Variants in CES3 observed in about 807,000 individuals in gnomAD.
CES3 encodes carboxylesterase 3 (brain).
CES3 carries 49 observed loss-of-function variants against 57.6 expected under a neutral mutation model. The observed-to-expected ratio is 0.85, with a 90% CI of 0.68 to 1.08. The LOEUF is 1.08. Among genes scored for constraint, CES3 ranks in the 50% least tolerant of loss-of-function variants. The pLI, the probability that CES3 is intolerant of heterozygous loss-of-function variation, is 0.00. For synonymous variants in CES3, 266 were observed against 281.6 expected, an observed-to-expected ratio of 0.94 and a Z score of 0.55; for missense variants, 645 against 742.0, an observed-to-expected ratio of 0.87 and a Z score of 1.52.
rs539132773 is a variant in CES3 at position 66,969,269 on chromosome 16, G to A, written c.1063-410G>A. On this transcript the variant is annotated intron_variant, in intron 8 of 12. Transcript: ENST00000303334. Reference sequence around the variant, plus strand: ...AAAAATACAAAAATTAGCCAGGCACGGTGGTGCACGTCTGCGGTCCCAGCT... The same window carrying A: ...AAAAATACAAAAATTAGCCAGGCACAGTGGTGCACGTCTGCGGTCCCAGCT... Among the ~76,000 whole-genome samples the A allele has an allele frequency of 3.3e-5, 5 of 152,224 alleles. No homozygotes were observed. In the East Asian group the frequency reaches 5.8e-4, roughly 18 times the overall value.
chr16:66,961,427 G>T (rs763974451), intron 1 of CES3, 38 bp downstream of exon 1: 5 of 1,552,696 alleles, frequency 3.2e-6, no homozygotes, highest in Non-Finnish European at 4.4e-6. Flanking sequence ...GGTACTTGGT[G>T]TGGAGGAGTC....
chr16:66,971,363 C>T (rs759474823), intron 10 of CES3, 44 bp downstream of exon 10: 77 of 1,592,130 alleles, frequency 4.8e-5, no homozygotes, highest in Non-Finnish European at 6.2e-5. Flanking sequence ...CCCACTTGGG[C>T]CCAGGAGCTG....
intron 8 of CES3, 71 bp downstream of exon 8, chr16:66,966,936 C>G (rs78914265): frequency 6.4e-7 from 1 of 1,562,174 alleles, no homozygotes; most frequent in South Asian, 1.1e-5. Context: ...AGCATCAACA[C>G]TACAGCCTTG....
At chr16:66,968,295 G>A (rs1295460653) in intron 8 of CES3, among the ~76,000 whole-genome samples, 1 of 152,146 alleles carries the variant, frequency 6.6e-6, no homozygotes, top group Non-Finnish European at 1.5e-5. Context: ...CTCCTGAGTA[G>A]CTGGGATTAC....
intron 8 of CES3, 120 bp from the exon 9 acceptor site, chr16:66,969,559 G>A (rs1963794215): frequency 1.1e-6 from 1 of 885,234 alleles, no homozygotes; most frequent in African/African-American, 1.7e-5. Context: ...GCCCCATTTT[G>A]GCCAAGTGCT....
Position 66,964,452 on chromosome 16 carries a change from A to C in CES3, c.656A>C (p.Asp219Ala). 5 of 1,613,772 alleles carry C rather than the reference A, an allele frequency of 3.1e-6. No individual in the cohort carries two copies. The highest frequency in any genetic ancestry group is 4.2e-6 in the Non-Finnish European group (5 of 1,179,902). The change falls in exon 5 of 13, where the codon GAC (aspartate) becomes GCC (alanine). Residue 219 changes from aspartate to alanine, a missense_variant. Physicochemically the swap from Asp to Ala is moderately radical, Grantham distance 126 (BLOSUM62 -2). Transcript: ENST00000303334. The part of the protein sequence containing the change: ...VQENIAPFGG[D>A]LNCVTVFGGS... ...GAAAACATCGCCCCCTTCGGGGGTG[A>C]CCTCAACTGTGTCACTGTCTTTGGT...
chr16:66,970,089 T>C (rs188114806), intron 9 of CES3, among the ~76,000 whole-genome samples: 1 of 149,506 alleles, frequency 6.7e-6, no homozygotes, highest in Non-Finnish European at 1.5e-5. Flanking sequence ...AACTCTGTTT[T>C]CTTTTCTTTT....
intron 1 of CES3, 61 bp downstream of exon 1, chr16:66,961,450 G>A: frequency 7.1e-7 from 1 of 1,405,158 alleles, no homozygotes; most frequent in Non-Finnish European, 9.9e-7. Context: ...GAGTGAGACA[G>A]GGACAGGGAG....
rs1963832365 is a variant in CES3 at position 66,971,453 on chromosome 16, A to C, written c.1291+134A>C. The C allele has an allele frequency of 4.8e-6, 4 of 828,798 alleles. No homozygotes were observed. In the South Asian group the frequency reaches 6.9e-5, roughly 14 times the overall value. 51.3% of individuals were successfully genotyped at this position (828,798 alleles called of 1,614,324 possible). ...CCCCACACCCCACTGCCCCCCACCA[A>C]ACCTATCTTTCTCTGGGATGCAGTG... On this transcript the variant is annotated intron_variant, in intron 10 of 12. Transcript: ENST00000303334.
In CES3 at chr16:66,969,298, C is replaced by T. The variant is rs550268478; in HGVS notation, c.1063-381C>T. On this transcript the variant is annotated intron_variant, in intron 8 of 12. Transcript: ENST00000303334. ...GTGCACGTCTGCGGTCCCAGCTACT[C>T]GGGAGGCTGAGGCAGGAGAATAGCT... Among the ~76,000 whole-genome samples, 12 of 152,192 alleles carry T rather than the reference C, an allele frequency of 7.9e-5. No homozygotes were observed. The South Asian group carries it at 1.5e-3, about 18-fold the overall frequency.
intron 11 of CES3, 73 bp from the exon 12 acceptor site, chr16:66,972,595 G>T: frequency 6.2e-7 from 1 of 1,611,558 alleles, no homozygotes; most frequent in Non-Finnish European, 8.5e-7. Flanking sequence ...TCTCCAGTCA[G>T]CACTGAGGAT....
intron 11 of CES3, 42 bp from the exon 12 acceptor site, chr16:66,972,626 C>T (rs1242849358): frequency 6.2e-7 from 1 of 1,613,634 alleles, no homozygotes; most frequent in Non-Finnish European, 8.5e-7. Flanking sequence ...CTTCCAGGTC[C>T]CACCTGACTC....
chr16:66,974,358 G>A lies in CES3; in HGVS notation c.*1309G>A, dbSNP rs561352488. 8.5e-5 allele frequency: 13 copies of A among 152,292 alleles called. No homozygotes were observed. The highest frequency in any genetic ancestry group is 2.7e-4 in the African/African-American group (11 of 41,462). 9.4% of individuals were successfully genotyped at this position (152,292 alleles called of 1,614,324 possible). Reference sequence around the variant, plus strand: ...AGTTCCGGGTGGGCGTGGGCTCGGCGGGGCCCCACTCAGAGCAGCTGGCCG... The same window carrying A: ...AGTTCCGGGTGGGCGTGGGCTCGGCAGGGCCCCACTCAGAGCAGCTGGCCG... On this transcript the variant is annotated 3_prime_UTR_variant, in exon 13 of 13. Transcript: ENST00000303334.
At chr16:66,961,536 T>A (rs1963651991) in intron 1 of CES3, 147 bp downstream of exon 1, 1 of 653,714 alleles carries the variant, frequency 1.5e-6, no homozygotes, top group African/African-American at 1.8e-5. Context: ...GGGCAGGCGC[T>A]CTGCTCTTGC....
intron 8 of CES3, 65 bp downstream of exon 8, chr16:66,966,930 T>A: frequency 6.3e-7 from 1 of 1,575,468 alleles, no homozygotes. Flanking sequence ...CACCCCAGCA[T>A]CAACACTACA....
chr16:66,970,148 G>A (rs1255098766), intron 9 of CES3, among the ~76,000 whole-genome samples: 4 of 138,760 alleles, frequency 2.9e-5, no homozygotes, highest in Non-Finnish European at 4.5e-5. Context: ...TTGCTCTGTC[G>A]CCAAGGCTGG....
intron 1 of CES3, among the ~76,000 whole-genome samples, chr16:66,961,711 C>G (rs1963653921): frequency 6.6e-6 from 1 of 151,996 alleles, no homozygotes; most frequent in Admixed American, 6.6e-5. Context: ...TTACAGGCAC[C>G]TGCCACCATG....
At chr16:66,965,870 G>A (rs749668991) in intron 6 of CES3, among the ~76,000 whole-genome samples, 8 of 152,166 alleles carry the variant, frequency 5.3e-5, no homozygotes, top group Non-Finnish European at 7.3e-5. Context: ...AACCCGGGAC[G>A]CAGAGCTTGC....
At position 66,963,713 on chromosome 16, in the gene CES3, C is replaced by T. The variant is rs752336612; in HGVS notation, c.426+84C>T. The T allele has an allele frequency of 3.2e-5, 52 of 1,612,156 alleles. No homozygotes were observed. The highest frequency in any genetic ancestry group is 4.2e-5 in the Non-Finnish European group (49 of 1,178,878). The stretch of plus-strand genomic sequence containing the variant: ...CTCCCCGTCCCTGTTTCCAAAGCAC[C>T]CTAGCGGTCCTGAGACTGCCTGGGC... On this transcript the variant is annotated intron_variant, in intron 3 of 12. Transcript: ENST00000303334. This position sits in a 1 kb window ranked among gnomAD's most constrained non-coding sequence, Gnocchi z 4.9.
Sources: gnomAD v4.1 joint callset for allele counts (sites outside exome capture counted in the v4.1 genomes callset) on GRCh38, gnomAD v4.1.1 for gene constraint, Gnocchi (gnomAD v3.1) non-coding constraint, MANE v1.5 for transcripts, NCBI Gene and HGNC (gene_info 2026-07-23, HGNC 2026-07-21) for gene names.